SHANK2: variants seen among roughly 807,000 people sequenced by gnomAD.
The protein encoded by SHANK2 is SH3 and multiple ankyrin repeat domains 2.
SHANK2 carries 43 observed loss-of-function variants against 133.7 expected under a neutral mutation model. The ratio of observed to expected loss-of-function variants is 0.32; its 90% CI spans 0.25 to 0.41. The LOEUF (loss-of-function observed/expected upper bound fraction) is 0.41, where lower values mean the gene tolerates loss of function less well. SHANK2 is among the 10% of genes least tolerant of loss of function. SHANK2 has a pLI of 1.00. For missense variants in SHANK2, 1,994 were observed against 2,235.8 expected, an observed-to-expected ratio of 0.89 and a Z score of 2.18; for synonymous variants, 1,017 against 952.8, an observed-to-expected ratio of 1.07 and a Z score of -1.24.
chr11:70,486,746 C>T lies in SHANK2; in HGVS notation c.3547G>A (p.Glu1183Lys), dbSNP rs1301091163. 5 of 1,610,584 alleles carry T rather than the reference C, an allele frequency of 3.1e-6. No individual in the cohort carries two copies. Among genetic ancestry groups the T allele is most frequent in the African/African-American group, 2.7e-5 (2 of 74,914 alleles). ...GCGGAGGGCACTGCTGGGCTGCTCT[C>T]GGGCCCCTGGGCTTTGGACGTGGAA... Reference protein sequence around the residue: ...LNSTSKAQGPESSPAVPSASS... With the variant: ...LNSTSKAQGPKSSPAVPSASS... Residue 1183 changes from glutamate (E) to lysine (K), a missense_variant, in exon 25 of 26, where the codon GAG becomes AAG. By Grantham distance (56) the Glu-to-Lys change is moderately conservative. Coordinates refer to ENST00000601538, the MANE Select transcript of SHANK2 (RefSeq NM_012309.5). This position sits in a 1 kb window ranked among gnomAD's most constrained non-coding sequence, Gnocchi z 8.0.
chr11:70,516,892 G>T (rs1048009457), intron 17 of SHANK2, among the ~76,000 whole-genome samples: 28 of 152,086 alleles, frequency 1.8e-4, no homozygotes, highest in African/African-American at 6.5e-4. Context: ...GGCCAACATG[G>T]TGAAACCCCG....
chr11:71,230,419 A>G (rs1206188665), intron 1 of SHANK2, among the ~76,000 whole-genome samples: 1 of 151,994 alleles, frequency 6.6e-6, no homozygotes, highest in Non-Finnish European at 1.5e-5. Flanking sequence ...AATACAAAAA[A>G]TTATCTGGGT....
intron 17 of SHANK2, among the ~76,000 whole-genome samples, chr11:70,541,324 C>T (rs2059619198): frequency 6.6e-6 from 1 of 152,226 alleles, no homozygotes; most frequent in Admixed American, 6.5e-5. Flanking sequence ...CCCTACTCAT[C>T]AGCCTGGCGG....
intron 14 of SHANK2, among the ~76,000 whole-genome samples, chr11:70,716,783 C>T (rs1284127409): frequency 1.3e-5 from 2 of 152,144 alleles, no homozygotes; most frequent in Non-Finnish European, 2.9e-5. Flanking sequence ...CAGGGGTCAC[C>T]GTAGTCTCGA....
At chr11:70,528,006 G>A (rs887301391) in intron 17 of SHANK2, among the ~76,000 whole-genome samples, 6 of 152,236 alleles carry the variant, frequency 3.9e-5, no homozygotes, top group African/African-American at 1.2e-4. Flanking sequence ...GAGCTGCCAG[G>A]AGCATCTGCA....
intron 13 of SHANK2, among the ~76,000 whole-genome samples, chr11:70,799,445 G>A (rs782206304): frequency 1.9e-4 from 29 of 152,066 alleles, no homozygotes; most frequent in Admixed American, 7.2e-4. Flanking sequence ...GAGGATGGGC[G>A]AGCAGCTCAC....
rs1491475622 is a variant in SHANK2, at chr11:70,658,207, CAA to C, written c.2061+1619_2061+1620del. On this transcript the variant is annotated intron_variant, in intron 17 of 25. Transcript: ENST00000601538. ...TGCTAGGCCCAAGGCCACGCCCCCC[CAA>C]CACACACACACACACACACACACAC... 6.9e-3 allele frequency among the ~76,000 whole-genome samples: 570 copies of C among 82,268 alleles called. 10 individuals carry two copies. The highest frequency in any genetic ancestry group is 0.068 in the South Asian group (177 of 2,608). The allele number at this position is 82,268 out of a possible 152,430, so 54.0% of individuals were successfully genotyped here.
At chr11:70,706,295 A>C (rs936029082) in intron 14 of SHANK2, among the ~76,000 whole-genome samples, 18 of 152,212 alleles carry the variant, frequency 1.2e-4, no homozygotes, top group Admixed American at 9.2e-4. Flanking sequence ...AGCCTGGTGC[A>C]TAGCGGGCAC....
intron 10 of SHANK2, among the ~76,000 whole-genome samples, chr11:70,923,604 C>T (rs782313219): frequency 2.0e-5 from 3 of 152,122 alleles, no homozygotes; most frequent in Non-Finnish European, 2.9e-5. Flanking sequence ...AGTGCAGTGG[C>T]GTGACGTAAC....
At chr11:70,772,441 A>G (rs1555043089) in intron 14 of SHANK2, among the ~76,000 whole-genome samples, 3 of 1,290 alleles carry the variant, frequency 2.3e-3, no homozygotes, top group Non-Finnish European at 0.062. Flanking sequence ...CTCTGTCTCA[A>G]AAAAAAAAAA....
chr11:71,178,842 G>A (rs1555113413), intron 2 of SHANK2, among the ~76,000 whole-genome samples: 2 of 152,058 alleles, frequency 1.3e-5, no homozygotes, highest in African/African-American at 4.8e-5. Flanking sequence ...AAATTATTGG[G>A]AGTGGTGGTG....
At chr11:70,649,121 C>T (rs1342874352) in intron 17 of SHANK2, among the ~76,000 whole-genome samples, 3 of 152,188 alleles carry the variant, frequency 2.0e-5, no homozygotes, top group Non-Finnish European at 4.4e-5. Context: ...GTGCCATCTC[C>T]CCTTCTCACC....
chr11:70,538,816 A>G (rs1239492832), intron 17 of SHANK2, among the ~76,000 whole-genome samples: 25 of 152,200 alleles, frequency 1.6e-4, no homozygotes, highest in Non-Finnish European at 4.4e-5. Flanking sequence ...GGAGGCACGC[A>G]CAGACGGTGG....
At chr11:70,814,996 A>AG (rs1322113673) in intron 12 of SHANK2, among the ~76,000 whole-genome samples, 2 of 152,202 alleles carry the variant, frequency 1.3e-5, no homozygotes, top group African/African-American at 4.8e-5. Context: ...CTCCCAGAGC[A>AG]GGGACTCAGG....
At chr11:70,757,756 T>C (rs1302078855) in intron 14 of SHANK2, among the ~76,000 whole-genome samples, 5 of 152,128 alleles carry the variant, frequency 3.3e-5, no homozygotes, top group Admixed American at 3.3e-4. Context: ...GATGACTCTA[T>C]ATCGAGTCCT....
chr11:71,112,322 G>A (rs781807531), intron 5 of SHANK2, among the ~76,000 whole-genome samples: 9 of 152,214 alleles, frequency 5.9e-5, no homozygotes, highest in Admixed American at 6.5e-5. Flanking sequence ...GAACCCGAGA[G>A]GCGGAGGTTG....
intron 15 of SHANK2, among the ~76,000 whole-genome samples, chr11:70,694,561 G>A (rs968829214): frequency 1.3e-5 from 2 of 152,214 alleles, no homozygotes; most frequent in African/African-American, 2.4e-5. Context: ...TGGCCCACAG[G>A]GCTGGCACTG....
At position 70,599,905 on chromosome 11, in the gene SHANK2, G is replaced by GAAAGAAAGAA. The variant is rs1466206835; in HGVS notation, c.2061+59922_2061+59923insTTCTTTCTTT. On this transcript the variant is annotated intron_variant, in intron 17 of 25. Transcript: ENST00000601538. ...AAAGAAAGAAAAAGAAAGAAAGAAAGAGAAAGAAAGAAAGAAAGAAAGAAA... is the reference window on the plus strand; with the variant it reads ...AAAGAAAGAAAAAGAAAGAAAGAAAGAAAGAAAGAAAGAAAGAAAGAAAGAAAGAAAGAAA... 3.3e-4 allele frequency among the ~76,000 whole-genome samples: 24 copies of GAAAGAAAGAA among 73,772 alleles called. 1 individual carries two copies. The highest frequency in any genetic ancestry group is 1.1e-3 in the East Asian group (2 of 1,838). The allele number at this position is 73,772 out of a possible 152,430, so 48.4% of individuals were successfully genotyped here. A position where few individuals can be genotyped will look rare whatever the true frequency, so the allele number is the denominator to read the frequency against.
chr11:71,184,771 C>G (rs957495536), intron 2 of SHANK2, among the ~76,000 whole-genome samples: 1 of 152,228 alleles, frequency 6.6e-6, no homozygotes, highest in Non-Finnish European at 1.5e-5. Flanking sequence ...GCTGATTGAA[C>G]ATTCTGGGTC....
Sources: gnomAD v4.1 joint callset for allele counts (sites outside exome capture counted in the v4.1 genomes callset) on GRCh38, gnomAD v4.1.1 for gene constraint, Gnocchi (gnomAD v3.1) non-coding constraint, MANE v1.5 for transcripts, NCBI Gene and HGNC (gene_info 2026-07-23, HGNC 2026-07-21) for gene names.